Variants in CDH5 observed in about 807,000 individuals in gnomAD.
The protein encoded by CDH5 is cadherin 5.
In CDH5, 28 loss-of-function variants were observed where a neutral mutation model predicts 62.0. The ratio of observed to expected loss-of-function variants is 0.45; its 90% confidence interval spans 0.33 to 0.62. CDH5 has a LOEUF of 0.62. Ranked by LOEUF, CDH5 falls within the 20% of genes least tolerant of loss-of-function variation. The probability of loss-of-function intolerance (pLI) is 0.02; values close to 1 mark genes in which losing one functional copy is unlikely to be tolerated. For synonymous variants in CDH5, 464 were observed against 445.8 expected (o/e 1.04, Z -0.52); for missense variants, 940 against 1,065.1 (o/e 0.88, Z 1.63).
intron 11 of CDH5, 74 bp downstream of exon 11, chr16:66,401,090 T>G: frequency 5.6e-6 from 9 of 1,595,694 alleles, no homozygotes; most frequent in Non-Finnish European, 7.7e-6. Flanking sequence ...GCGGGGAGGC[T>G]TCACAGGAAA....
intron 11 of CDH5, 152 bp from the exon 12 acceptor site, chr16:66,402,500 G>T: frequency 1.6e-6 from 1 of 625,368 alleles, no homozygotes; most frequent in South Asian, 2.0e-5. Flanking sequence ...GGGGCCAAAA[G>T]GATGGGGTTG....
intron 7 of CDH5, among the ~76,000 whole-genome samples, chr16:66,393,587 T>A (rs1157775698): frequency 6.6e-6 from 1 of 152,172 alleles, no homozygotes; most frequent in Non-Finnish European, 1.5e-5. Context: ...CCATGGTCTA[T>A]CCACCTCCCA....
In CDH5 at chr16:66,403,199, C is replaced by G; in HGVS notation, c.*30C>G. Reference sequence around the variant, plus strand: ...CCGAGGTCACTCTGGGCCTGGGGACCCAAACCCCCTGCAGCCCAGGCCAGT... The same window carrying G: ...CCGAGGTCACTCTGGGCCTGGGGACGCAAACCCCCTGCAGCCCAGGCCAGT... On this transcript the variant is annotated 3_prime_UTR_variant, in exon 12 of 12. Coordinates refer to ENST00000341529, the MANE Select transcript of CDH5 (RefSeq NM_001795.5). The surrounding 1 kb of genome is among the most constrained non-coding windows in gnomAD (Gnocchi z 4.3). The G allele has an allele frequency of 6.3e-7, 1 of 1,580,582 alleles. No homozygotes were observed. The highest frequency in any genetic ancestry group is 8.6e-7 in the Non-Finnish European group (1 of 1,165,004).
chr16:66,373,460 G>A (rs1364983475), intron 1 of CDH5, among the ~76,000 whole-genome samples: 5 of 150,320 alleles, frequency 3.3e-5, no homozygotes. Flanking sequence ...CTGTTGCCCA[G>A]GCTGGAGTGC....
At chr16:66,384,679 A>AAAG (rs2142323046) in intron 2 of CDH5, among the ~76,000 whole-genome samples, 1 of 150,956 alleles carries the variant, frequency 6.6e-6, no homozygotes, top group East Asian at 2.0e-4. Flanking sequence ...AAAAAAAAAA[A>AAAG]AAGAGGCTGG....
At position 66,386,970 on chromosome 16, in the gene CDH5, C is replaced by A. The variant is rs927234767; in HGVS notation, c.372C>A (p.Asp124Glu). The stretch of plus-strand genomic sequence containing the variant: ...ACCACCTCACTGCTGTCATTGTGGA[C>A]AAGGACACTGGCGAAAACCTGGAGA... The part of the protein sequence containing the change: ...SEYHLTAVIV[D>E]KDTGENLETP... The change falls in exon 3 of 12, where the codon GAC becomes GAA. Residue 124 changes from aspartate to glutamate, a missense_variant. Transcript: ENST00000341529. The A allele has an allele frequency of 2.5e-6, 4 of 1,614,028 alleles. No individual in the cohort carries two copies. In the African/African-American group the frequency reaches 5.3e-5, roughly 22 times the overall value.
chr16:66,402,909 C>T lies in CDH5; in HGVS notation c.2095C>T (p.His699Tyr), dbSNP rs761051782. Residue 699 changes from histidine to tyrosine, a missense_variant, in exon 12 of 12, where the codon CAC becomes TAC. Coordinates refer to ENST00000341529, the MANE Select transcript of CDH5 (RefSeq NM_001795.5). ...QKPPRHAPGAHGGPGEMAAMI... is the reference protein window; with the variant it reads ...QKPPRHAPGAYGGPGEMAAMI... ...GCCACCGAGGCACGCGCCTGGGGCACACGGAGGGCCCGGGGAGATGGCAGC... is the reference window on the plus strand; with the variant it reads ...GCCACCGAGGCACGCGCCTGGGGCATACGGAGGGCCCGGGGAGATGGCAGC... 5 of 1,611,654 alleles carry T rather than the reference C, an allele frequency of 3.1e-6. No homozygotes were observed. The highest frequency in any genetic ancestry group is 1.7e-5 in the Admixed American group (1 of 59,946).
intron 1 of CDH5, 74 bp from the exon 2 acceptor site, chr16:66,379,245 T>C (rs796090762): frequency 4.0e-5 from 43 of 1,085,224 alleles, no homozygotes; most frequent in Middle Eastern, 3.1e-4. Context: ...GCTGCTCTTA[T>C]GTGAAATACC....
rs1240791155 is a variant in CDH5 at position 66,366,723 on chromosome 16, CAACGGAACAGA to C, written c.-51_-41del. On this transcript the variant is annotated 5_prime_UTR_variant, in exon 1 of 12. Coordinates refer to ENST00000341529, the MANE Select transcript of CDH5 (RefSeq NM_001795.5). ...CTCAGCCCTGGACGGACAGGCAGTC[CAACGGAACAGA>C]AACATCCCTCAGCCCACAGGCACGG... 6.6e-6 allele frequency: 1 copy of C among 152,314 alleles called. No homozygotes were observed. The highest frequency in any genetic ancestry group is 1.5e-5 in the Non-Finnish European group (1 of 68,132). The allele number at this position is 152,314 out of a possible 1,614,324, so 9.4% of individuals were successfully genotyped here. A position where few individuals can be genotyped will look rare whatever the true frequency, so the allele number is the denominator to read the frequency against.
intron 10 of CDH5, 108 bp downstream of exon 10, chr16:66,398,669 C>T: frequency 3.1e-6 from 2 of 637,312 alleles, no homozygotes; most frequent in East Asian, 3.0e-5. Context: ...GAGTTTGAGG[C>T]TGCAGTGAGC....
At chr16:66,390,313 T>C in intron 5 of CDH5, 90 bp from the exon 6 acceptor site, 1 of 998,824 alleles carries the variant, frequency 1.0e-6, no homozygotes, top group South Asian at 1.9e-5. Context: ...CCCATTTCTT[T>C]TATCAAAATA....
intron 1 of CDH5, among the ~76,000 whole-genome samples, chr16:66,370,577 G>A (rs911300281): frequency 6.6e-5 from 10 of 152,196 alleles, no homozygotes; most frequent in South Asian, 2.1e-4. Flanking sequence ...CAGGCAGCAC[G>A]TCCAGGTCTA....
chr16:66,388,522 G>A (rs1961026289), intron 4 of CDH5, 82 bp downstream of exon 4: 4 of 893,078 alleles, frequency 4.5e-6, no homozygotes, highest in Admixed American at 3.5e-5. Flanking sequence ...TGTGCTAAGG[G>A]AAGTCCAGTC....
In CDH5 at chr16:66,389,542, C is replaced by A. The variant is rs1390845420; in HGVS notation, c.781+20C>A. The A allele has an allele frequency of 7.2e-6, 11 of 1,535,282 alleles. No homozygotes were observed. Among genetic ancestry groups the A allele is most frequent in the Non-Finnish European group, 7.9e-6 (9 of 1,137,442 alleles). The stretch of plus-strand genomic sequence containing the variant: ...CCCAGAGTGAGCCCCTCCTCTAGGG[C>A]CCTGGGAAGGGGGGCTGGGATACCC... On this transcript the variant is annotated intron_variant, in intron 5 of 11. Coordinates refer to ENST00000341529, the MANE Select transcript of CDH5 (RefSeq NM_001795.5).
At position 66,403,368 on chromosome 16, in the gene CDH5, C is replaced by T. The variant is rs1442030013; in HGVS notation, c.*199C>T. ...ATCCAGGAATATATGTCAGTGATGA[C>T]TATTCTCAAATGCTGGCAAATCCAG... On this transcript the variant is annotated 3_prime_UTR_variant, in exon 12 of 12. Coordinates refer to ENST00000341529, the MANE Select transcript of CDH5 (RefSeq NM_001795.5). The surrounding 1 kb of genome is among the most constrained non-coding windows in gnomAD (Gnocchi z 4.3). The T allele has an allele frequency of 3.4e-6, 2 of 594,262 alleles. No individual in the cohort carries two copies. Among genetic ancestry groups the T allele is most frequent in the East Asian group, 5.6e-5 (2 of 35,654 alleles). 36.8% of individuals were successfully genotyped at this position (594,262 alleles called of 1,614,324 possible). A position where few individuals can be genotyped will look rare whatever the true frequency, so the allele number is the denominator to read the frequency against.
intron 6 of CDH5, among the ~76,000 whole-genome samples, 163 bp from the exon 7 acceptor site, chr16:66,391,973 G>A (rs1008300717): frequency 6.6e-6 from 1 of 152,188 alleles, no homozygotes; most frequent in Non-Finnish European, 1.5e-5. Context: ...AGGCCCAGCC[G>A]CTGTCTTGAT....
At chr16:66,374,061 C>G (rs1292504628) in intron 1 of CDH5, among the ~76,000 whole-genome samples, 1 of 152,204 alleles carries the variant, frequency 6.6e-6, no homozygotes, top group Non-Finnish European at 1.5e-5. Context: ...TCCACTGCCT[C>G]CGGCTATGTG....
At chr16:66,378,669 C>T (rs1000486715) in intron 1 of CDH5, among the ~76,000 whole-genome samples, 5 of 152,174 alleles carry the variant, frequency 3.3e-5, no homozygotes, top group African/African-American at 1.2e-4. Context: ...AGCCTCACAC[C>T]CTCTTCCTGG....
At chr16:66,376,048 T>A (rs1960780633) in intron 1 of CDH5, among the ~76,000 whole-genome samples, 1 of 151,848 alleles carries the variant, frequency 6.6e-6, no homozygotes, top group African/African-American at 2.4e-5. Context: ...GAGGCGGAGG[T>A]TGCAGTGAGC....
Sources: allele counts gnomAD v4.1 joint callset (sites outside exome capture counted in the v4.1 genomes callset), GRCh38; gene constraint gnomAD v4.1.1; non-coding constraint Gnocchi (gnomAD v3.1); transcripts MANE v1.5; gene names NCBI Gene and HGNC (gene_info 2026-07-23, HGNC 2026-07-21).